Variants in FGFR2 observed in about 807,000 individuals in gnomAD.
FGFR2 encodes the protein fibroblast growth factor receptor 2.
FGFR2 carries 19 observed loss-of-function variants against 95.9 expected under a neutral mutation model. The observed-to-expected ratio is 0.20, with a 90% CI of 0.14 to 0.29. FGFR2 has a LOEUF of 0.29. Among genes scored for constraint, FGFR2 ranks in the 10% least tolerant of loss-of-function variants. The pLI is 1.00. For synonymous variants in FGFR2, 392 were observed against 393.3 expected (o/e 1.00, Z 0.04); for missense variants, 707 against 1,056.9 (o/e 0.67, Z 4.59).
chr10:121,494,650 G>A (rs980219458), intron 13 of FGFR2, among the ~76,000 whole-genome samples: 9 of 152,108 alleles, frequency 5.9e-5, no homozygotes, highest in African/African-American at 1.7e-4. Context: ...GGGTTTGCTT[G>A]TTACACCTAC....
At chr10:121,496,897 G>A (rs1400209395) in intron 12 of FGFR2, among the ~76,000 whole-genome samples, 175 bp from the exon 13 acceptor site, 1 of 150,530 alleles carries the variant, frequency 6.6e-6, no homozygotes, top group Non-Finnish European at 1.5e-5. Flanking sequence ...TACAGAGGCC[G>A]AGGCAGGTGG....
chr10:121,480,087 G>C (rs749663414), intron 17 of FGFR2, 66 bp from the exon 18 acceptor site: 4 of 1,453,108 alleles, frequency 2.8e-6, no homozygotes, highest in Non-Finnish European at 3.9e-6. Context: ...AATACGGTTC[G>C]AGAGGCTGAC....
rs1387391246 is a variant in FGFR2 at position 121,478,381 on chromosome 10, T to G, written c.*1476A>C. ...TTATTTTGTCTTGTTAACATTAATA[T>G]CTGTAGAAACATTTTTATTGTCAGT... On this transcript the variant is annotated 3_prime_UTR_variant, in exon 18 of 18. Transcript: ENST00000358487. 1 of 232,698 alleles carries G rather than the reference T, an allele frequency of 4.3e-6. No individual in the cohort carries two copies. Among genetic ancestry groups the G allele is most frequent in the Non-Finnish European group, 8.5e-6 (1 of 117,548 alleles). 14.4% of individuals were successfully genotyped at this position (232,698 alleles called of 1,614,324 possible). A position where few individuals can be genotyped will look rare whatever the true frequency, so the allele number is the denominator to read the frequency against.
chr10:121,540,019 A>C (rs1853462766), intron 5 of FGFR2, among the ~76,000 whole-genome samples: 1 of 152,198 alleles, frequency 6.6e-6, no homozygotes. Context: ...CCATGACTGC[A>C]GGGTGGAGGT....
intron 9 of FGFR2, among the ~76,000 whole-genome samples, chr10:121,506,518 G>C (rs967876136): frequency 6.6e-6 from 1 of 152,162 alleles, no homozygotes; most frequent in Non-Finnish European, 1.5e-5. Flanking sequence ...TGCATAGGAA[G>C]CTGCAATCAA....
At position 121,479,082 on chromosome 10, in the gene FGFR2, A is replaced by G. The variant is rs566653185; in HGVS notation, c.*775T>C. ...TAAATCAAAACTTCATTTTCCCCAA[A>G]TTAGTCATATATTGTAAATATTCTC... On this transcript the variant is annotated 3_prime_UTR_variant, in exon 18 of 18. Transcript: ENST00000358487. 1 of 232,950 alleles carries G rather than the reference A, an allele frequency of 4.3e-6. No individual in the cohort carries two copies. The highest frequency in any genetic ancestry group is 6.1e-5 in the East Asian group (1 of 16,422). The allele number at this position is 232,950 out of a possible 1,614,324, so 14.4% of individuals were successfully genotyped here.
intron 4 of FGFR2, among the ~76,000 whole-genome samples, chr10:121,554,669 C>T (rs1855880088): frequency 6.6e-6 from 1 of 152,086 alleles, no homozygotes; most frequent in African/African-American, 2.4e-5. Context: ...CCGCGCCCGG[C>T]TGGAACTCTT....
chr10:121,593,690 G>T lies in FGFR2; in HGVS notation c.109+19C>A, dbSNP rs752576143. 3 of 1,607,796 alleles carry T rather than the reference G, an allele frequency of 1.9e-6. No homozygotes were observed. Among genetic ancestry groups the T allele is most frequent in the South Asian group, 1.1e-5 (1 of 90,956 alleles). ...ACAAATCCCAAAACAAACCTGAAAA[G>T]TGAAATTAAATGACTTACCTTCTGG... On this transcript the variant is annotated intron_variant, in intron 2 of 17. Transcript: ENST00000358487.
At position 121,480,328 on chromosome 10, in the gene FGFR2, G is replaced by A. The variant is rs1464054248; in HGVS notation, c.2302-307C>T. The A allele has an allele frequency of 1.7e-5, 8 of 460,854 alleles. No individual in the cohort carries two copies. In the East Asian group the frequency reaches 1.9e-4, roughly 11 times the overall value. 28.5% of individuals were successfully genotyped at this position (460,854 alleles called of 1,614,324 possible). A position where few individuals can be genotyped will look rare whatever the true frequency, so the allele number is the denominator to read the frequency against. On this transcript the variant is annotated intron_variant, in intron 17 of 17. Coordinates refer to ENST00000358487, the MANE Select transcript of FGFR2 (RefSeq NM_000141.5). ...CATAAATCAACTATTGACAGGTAGA[G>A]AACAATAAAACCTAGTTGAGCTATA...
intron 2 of FGFR2, among the ~76,000 whole-genome samples, chr10:121,574,223 G>A (rs184249956): frequency 6.6e-6 from 1 of 152,116 alleles, no homozygotes; most frequent in South Asian, 2.1e-4. Context: ...GAACTTATCA[G>A]CAGAAAGAAA....
At chr10:121,505,364 T>C (rs565640648) in intron 9 of FGFR2, among the ~76,000 whole-genome samples, 1 of 152,332 alleles carries the variant, frequency 6.6e-6, no homozygotes, top group Non-Finnish European at 1.5e-5. Context: ...TATTATCTTT[T>C]AAAACGTACA....
At chr10:121,565,376 T>G in intron 3 of FGFR2, 62 bp downstream of exon 3, 1 of 1,607,414 alleles carries the variant, frequency 6.2e-7, no homozygotes, top group Non-Finnish European at 8.5e-7. Flanking sequence ...ACCTTTTCAC[T>G]TGGCCAAAAA....
intron 2 of FGFR2, among the ~76,000 whole-genome samples, chr10:121,590,769 C>T (rs1590118510): frequency 6.6e-6 from 1 of 152,166 alleles, no homozygotes; most frequent in Non-Finnish European, 1.5e-5. Context: ...AGGGCCCAGG[C>T]TTCTTCCTGG....
At chr10:121,491,729 G>A (rs1846154800) in intron 13 of FGFR2, among the ~76,000 whole-genome samples, 1 of 152,084 alleles carries the variant, frequency 6.6e-6, no homozygotes, top group South Asian at 2.1e-4. Flanking sequence ...AATTAGCCGG[G>A]CGTGGTGGCA....
intron 9 of FGFR2, among the ~76,000 whole-genome samples, chr10:121,511,194 C>A (rs1044367581): frequency 3.9e-5 from 6 of 151,910 alleles, no homozygotes; most frequent in African/African-American, 1.5e-4. Context: ...AAAAAAACCA[C>A]CCTGCAGCCT....
In FGFR2 at chr10:121,531,563, C is replaced by T. The variant is rs913856249; in HGVS notation, c.748+7029G>A. Among the ~76,000 whole-genome samples the T allele has an allele frequency of 2.0e-5, 3 of 152,124 alleles. No homozygotes were observed. Among genetic ancestry groups the T allele is most frequent in the South Asian group, 4.1e-4 (2 of 4,820 alleles). On this transcript the variant is annotated intron_variant, in intron 6 of 17. Transcript: ENST00000358487. This position sits in a 1 kb window ranked among gnomAD's most constrained non-coding sequence, Gnocchi z 4.5. ...GATGCAAGAGGAAGTATGGGACCAA[C>T]GCACAATAACGACTAACAGTTGCAT...
intron 17 of FGFR2, chr10:121,481,942 C>G (rs561597310): frequency 3.1e-6 from 1 of 321,224 alleles, no homozygotes; most frequent in Non-Finnish European, 5.7e-6. Flanking sequence ...GTTCAAGTGA[C>G]TCTCCTGCCT....
intron 6 of FGFR2, among the ~76,000 whole-genome samples, chr10:121,522,048 C>T (rs1184110513): frequency 6.6e-6 from 1 of 152,202 alleles, no homozygotes; most frequent in African/African-American, 2.4e-5. Flanking sequence ...AAGACAGACA[C>T]TGCCTGACTC....
In FGFR2 at chr10:121,565,633, G is replaced by A. The variant is rs1354205157; in HGVS notation, c.181C>T (p.Arg61Cys). Residue 61 changes from arginine to cysteine, a missense_variant, in exon 3 of 18, where the codon CGC becomes TGC. This residue lies in a region of FGFR2 where 178 missense variants were observed against 194.1 expected (regional missense o/e 0.92). Transcript: ENST00000358487. ...ACGGCGGCATCTTTCAACAGGCAGC[G>A]CACCTCTAGCGACTCCCCTGGCGCA... ...VAAPGESLEV[R>C]CLLKDAAVIS... 8.1e-6 allele frequency: 13 copies of A among 1,614,066 alleles called. No individual in the cohort carries two copies. Among genetic ancestry groups the A allele is most frequent in the Non-Finnish European group, 1.1e-5 (13 of 1,180,034 alleles).
Sources: allele counts gnomAD v4.1 joint callset (sites outside exome capture counted in the v4.1 genomes callset), GRCh38; gene constraint gnomAD v4.1.1; regional missense constraint gnomAD v4.1.1; non-coding constraint Gnocchi (gnomAD v3.1); transcripts MANE v1.5; gene names NCBI Gene and HGNC (gene_info 2026-07-23, HGNC 2026-07-21).